Variants in GLIS2 observed in about 807,000 individuals in gnomAD.
GLIS2 encodes the protein GLIS family zinc finger 2, also known as zinc finger protein GLIS2.
Under a neutral mutation model 35.6 loss-of-function variants are expected in GLIS2, and 14 were observed. The ratio of observed to expected loss-of-function variants is 0.39; its 90% CI spans 0.26 to 0.61. The LOEUF (loss-of-function observed/expected upper bound fraction) is 0.61. Ranked by LOEUF, GLIS2 falls within the 20% of genes least tolerant of loss-of-function variation. GLIS2 has a pLI of 0.48. For synonymous variants in GLIS2, 368 were observed against 325.1 expected, an observed-to-expected ratio of 1.13 and a Z score of -1.42; for missense variants, 675 against 713.4, an observed-to-expected ratio of 0.95 and a Z score of 0.61.
At chr16:4,329,731 AGTT>A (rs2053477507) in intron 1 of GLIS2, among the ~76,000 whole-genome samples, 2 of 152,190 alleles carry the variant, frequency 1.3e-5, no homozygotes, top group Non-Finnish European at 2.9e-5. Flanking sequence ...ACCATGTAGT[AGTT>A]ATGTCCACCA....
chr16:4,337,766 C>A lies in GLIS2; in HGVS notation c.*242C>A. The A allele has an allele frequency of 1.6e-6, 1 of 610,044 alleles. No homozygotes were observed. The highest frequency in any genetic ancestry group is 2.9e-6 in the Non-Finnish European group (1 of 341,064). The allele number at this position is 610,044 out of a possible 1,614,324, so 37.8% of individuals were successfully genotyped here. A position where few individuals can be genotyped will look rare whatever the true frequency, so the allele number is the denominator to read the frequency against. ...GTGCTGAAGCCTCGCTCCTGTCTGT[C>A]CCCCACCACCTGGCCCTCAGCTTCT... On this transcript the variant is annotated 3_prime_UTR_variant, in exon 7 of 7. Transcript: ENST00000433375.
upstream of GLIS2, chr16:4,315,225 A>C (rs2053293788): frequency 6.6e-6 from 1 of 152,164 alleles, no homozygotes; most frequent in Admixed American, 6.5e-5. Context: ...CCGTGAGGGA[A>C]ACTGAGACCG....
Position 4,337,407 on chromosome 16 carries a change from C to G in GLIS2, c.1458C>G (p.Thr486=). 5.0e-6 allele frequency: 8 copies of G among 1,589,422 alleles called. No homozygotes were observed. Among genetic ancestry groups the G allele is most frequent in the Non-Finnish European group, 5.1e-6 (6 of 1,169,556 alleles). The change falls in exon 7 of 7, where the codon ACC becomes ACG. Residue 486 remains threonine, a synonymous_variant. Coordinates refer to ENST00000433375, the MANE Select transcript of GLIS2 (RefSeq NM_032575.3). Reference sequence around the variant, plus strand: ...ATGGACTCCCCCTGCTGCCAGGCACCGTGCTGGACCTGTCCACGGGCGTCA... The same window carrying G: ...ATGGACTCCCCCTGCTGCCAGGCACGGTGCTGGACCTGTCCACGGGCGTCA... ...SPDGLPLLPG[T]VLDLSTGVNS...
rs543570611 is a variant in GLIS2 at position 4,335,854 on chromosome 16, A to T, written c.775+461A>T. ...ACATCCAACGTGTTATCAATTCATT[A>T]TTAAAGACAAATCAGTGAGATATTG... On this transcript the variant is annotated intron_variant, in intron 6 of 6. Transcript: ENST00000433375. The surrounding 1 kb of genome is among the most constrained non-coding windows in gnomAD (Gnocchi z 4.6). 1 of 198,972 alleles carries T rather than the reference A, an allele frequency of 5.0e-6. No homozygotes were observed. Among genetic ancestry groups the T allele is most frequent in the Non-Finnish European group, 1.0e-5 (1 of 95,424 alleles). The allele number at this position is 198,972 out of a possible 1,614,324, so 12.3% of individuals were successfully genotyped here.
At chr16:4,316,018 C>T (rs2053306338), upstream of GLIS2, among the ~76,000 whole-genome samples, 1 of 133,490 alleles carries the variant, frequency 7.5e-6, no homozygotes, top group Non-Finnish European at 1.6e-5. Flanking sequence ...TCCTCCCGCC[C>T]GCCCGCCCTC....
In GLIS2 at chr16:4,337,940, C is replaced by T. The variant is rs1412348609; in HGVS notation, c.*416C>T. 2.9e-6 allele frequency: 1 copy of T among 341,544 alleles called. No individual in the cohort carries two copies. Among genetic ancestry groups the T allele is most frequent in the Non-Finnish European group, 5.6e-6 (1 of 179,050 alleles). 21.2% of individuals were successfully genotyped at this position (341,544 alleles called of 1,614,324 possible). A position where few individuals can be genotyped will look rare whatever the true frequency, so the allele number is the denominator to read the frequency against. ...GCCCTCCCTGCTAGCACCAGGCTCC[C>T]CCTTCCTGAGAGGAGCCCCCAGGGA... On this transcript the variant is annotated 3_prime_UTR_variant, in exon 7 of 7. Coordinates refer to ENST00000433375, the MANE Select transcript of GLIS2 (RefSeq NM_032575.3).
At chr16:4,318,860 G>A (rs1468020517) in intron 1 of GLIS2, among the ~76,000 whole-genome samples, 1 of 152,234 alleles carries the variant, frequency 6.6e-6, no homozygotes, top group Admixed American at 6.5e-5. Flanking sequence ...CCTGGAATCT[G>A]AATTCCCCAC....
chr16:4,328,541 C>A (rs1474957678), intron 1 of GLIS2, among the ~76,000 whole-genome samples: 1 of 152,196 alleles, frequency 6.6e-6, no homozygotes, highest in East Asian at 1.9e-4. Context: ...AACAGGGATG[C>A]TGGGAGGTGT....
At chr16:4,330,115 A>G (rs2053482958) in intron 1 of GLIS2, among the ~76,000 whole-genome samples, 1 of 152,146 alleles carries the variant, frequency 6.6e-6, no homozygotes, top group South Asian at 2.1e-4. Flanking sequence ...TGTCGCTACT[A>G]AAAATAGAAA....
intron 1 of GLIS2, among the ~76,000 whole-genome samples, chr16:4,319,065 CCT>C (rs1162206028): frequency 6.6e-6 from 1 of 152,138 alleles, no homozygotes; most frequent in African/African-American, 2.4e-5. Context: ...AAGGTTCCTG[CCT>C]CTAAGGGGAG....
chr16:4,336,223 T>C (rs977620077), intron 6 of GLIS2: 10 of 271,716 alleles, frequency 3.7e-5, no homozygotes, highest in Non-Finnish European at 1.5e-5. Flanking sequence ...CTTGGCCCAC[T>C]GCAACCTCTG....
In GLIS2 at chr16:4,335,403, C is replaced by G. The variant is rs375873369; in HGVS notation, c.775+10C>G. 6.8e-6 allele frequency: 11 copies of G among 1,612,788 alleles called. No individual in the cohort carries two copies. In the South Asian group the frequency reaches 1.2e-4, roughly 18 times the overall value. On this transcript the variant is annotated intron_variant, in intron 6 of 6. Coordinates refer to ENST00000433375, the MANE Select transcript of GLIS2 (RefSeq NM_032575.3). The surrounding 1 kb of genome is among the most constrained non-coding windows in gnomAD (Gnocchi z 4.6). Reference sequence around the variant, plus strand: ...AACCGGTCGCACACAGGTAAGAGGCCGGGGCCGGGCGGCTTGGCCCATGAA... The same window carrying G: ...AACCGGTCGCACACAGGTAAGAGGCGGGGGCCGGGCGGCTTGGCCCATGAA...
rs773371043 is a variant in GLIS2 at position 4,332,463 on chromosome 16, T to TGGGGA, written c.172+14_172+15insGAGGG. ...GCTCCCCGCCCTCAGGTACTGGCCC[T>TGGGGA]GGGCAGGGCAGGGGGACTTAGCCCT... is the stretch of plus-strand genomic sequence containing the variant. On this transcript the variant is annotated intron_variant, in intron 2 of 6. Transcript: ENST00000433375. The surrounding 1 kb of genome is among the most constrained non-coding windows in gnomAD (Gnocchi z 5.4). The TGGGGA allele has an allele frequency of 6.5e-5, 105 of 1,610,000 alleles. No individual in the cohort carries two copies. In the African/African-American group the frequency reaches 1.0e-3, roughly 15 times the overall value.
intron 1 of GLIS2, among the ~76,000 whole-genome samples, chr16:4,317,607 T>C (rs890212349): frequency 1.3e-5 from 2 of 152,066 alleles, no homozygotes; most frequent in African/African-American, 4.8e-5. Flanking sequence ...CCCCCTCTGC[T>C]TCTCCTTCTC....
rs141185479 is a variant in GLIS2 at position 4,323,192 on chromosome 16, G to A, written c.-67+6938G>A. ...AGTGCCGCCTGGCAGGGCCTGGGCT[G>A]TCTGTGCCCCAGCCTTGCTGGGCGT... On this transcript the variant is annotated intron_variant, in intron 1 of 6. Coordinates refer to ENST00000433375, the MANE Select transcript of GLIS2 (RefSeq NM_032575.3). Among the ~76,000 whole-genome samples, 472 of 152,314 alleles carry A rather than the reference G, an allele frequency of 3.1e-3. 2 individuals carry two copies. Among genetic ancestry groups the A allele is most frequent in the African/African-American group, 0.011 (454 of 41,576 alleles).
In GLIS2 at chr16:4,337,214, G is replaced by C; in HGVS notation, c.1265G>C (p.Gly422Ala). Residue 422 changes from glycine to alanine, a missense_variant, in exon 7 of 7, where the codon GGG becomes GCG. By Grantham distance (60) the Gly-to-Ala change is moderately conservative. Coordinates refer to ENST00000433375, the MANE Select transcript of GLIS2 (RefSeq NM_032575.3). ...AKNPLLPSPF[G>A]AGGLGLPVVS... Reference sequence around the variant, plus strand: ...AACCCGCTGCTGCCCTCGCCCTTTGGGGCTGGCGGACTGGGCTTGCCTGTG... The same window carrying C: ...AACCCGCTGCTGCCCTCGCCCTTTGCGGCTGGCGGACTGGGCTTGCCTGTG... The C allele has an allele frequency of 6.5e-7, 1 of 1,547,610 alleles. No individual in the cohort carries two copies. The highest frequency in any genetic ancestry group is 1.4e-5 in the African/African-American group (1 of 73,170).
chr16:4,331,989 G>A (rs2053500839), intron 1 of GLIS2, among the ~76,000 whole-genome samples: 1 of 152,110 alleles, frequency 6.6e-6, no homozygotes, highest in Non-Finnish European at 1.5e-5. Flanking sequence ...AAGAATGTGA[G>A]CTTTGTCTTC....
chr16:4,329,699 G>A (rs1322879042), intron 1 of GLIS2, among the ~76,000 whole-genome samples: 2 of 152,154 alleles, frequency 1.3e-5, no homozygotes, highest in African/African-American at 4.8e-5. Flanking sequence ...GGAAACACAC[G>A]GGGGCATATC....
chr16:4,315,704 G>A (rs1373692374), upstream of GLIS2, among the ~76,000 whole-genome samples: 1 of 150,056 alleles, frequency 6.7e-6, no homozygotes, highest in Non-Finnish European at 1.5e-5. Flanking sequence ...CGAGGAGGAC[G>A]CGCGCGGCTC....
Sources: gnomAD v4.1 joint callset for allele counts (sites outside exome capture counted in the v4.1 genomes callset) on GRCh38, gnomAD v4.1.1 for gene constraint, Gnocchi (gnomAD v3.1) non-coding constraint, MANE v1.5 for transcripts, NCBI Gene and HGNC (gene_info 2026-07-23, HGNC 2026-07-21) for gene names.